Variants in ARID4A observed in about 807,000 individuals in gnomAD.
The protein encoded by ARID4A is AT-rich interactive domain-containing protein 4A.
In ARID4A, 39 loss-of-function variants were observed where a neutral mutation model predicts 148.6. That is an observed-to-expected ratio of 0.26 (90% CI 0.20 to 0.34). The LOEUF (loss-of-function observed/expected upper bound fraction) is 0.34. ARID4A is among the 10% of genes least tolerant of loss of function. The probability of loss-of-function intolerance (pLI) is 1.00; values close to 1 mark genes in which losing one functional copy is unlikely to be tolerated. For synonymous variants in ARID4A, 475 were observed against 481.2 expected, an observed-to-expected ratio of 0.99 and a Z score of 0.17; for missense variants, 1,265 against 1,449.1, an observed-to-expected ratio of 0.87 and a Z score of 2.06.
intron 11 of ARID4A, among the ~76,000 whole-genome samples, chr14:58,340,495 G>A (rs1037283467): frequency 3.9e-5 from 6 of 152,076 alleles, no homozygotes; most frequent in Middle Eastern, 3.2e-3. Flanking sequence ...GATTACAGGC[G>A]CACAACGCCA....
At chr14:58,346,269 G>T (rs1358750647) in intron 12 of ARID4A, 142 bp from the exon 13 acceptor site, 1 of 385,708 alleles carries the variant, frequency 2.6e-6, no homozygotes. Flanking sequence ...ATTATCTTGT[G>T]TTGTTTTACA....
intron 4 of ARID4A, among the ~76,000 whole-genome samples, chr14:58,305,306 G>T (rs1348384112): frequency 2.6e-5 from 4 of 152,016 alleles, no homozygotes; most frequent in African/African-American, 9.7e-5. Context: ...TCACATTGTT[G>T]CTGTATCTGA....
chr14:58,320,144 C>T (rs1378008581), intron 7 of ARID4A, among the ~76,000 whole-genome samples: 1 of 151,772 alleles, frequency 6.6e-6, no homozygotes, highest in East Asian at 1.9e-4. Context: ...GACAGGGTTT[C>T]ACCATGTTGG....
chr14:58,354,727 T>C (rs1385900254), intron 17 of ARID4A, among the ~76,000 whole-genome samples: 1 of 151,792 alleles, frequency 6.6e-6, no homozygotes, highest in African/African-American at 2.4e-5. Flanking sequence ...TTGCTCCATA[T>C]TGGATCCTGT....
chr14:58,322,442 C>T (rs1226644885), intron 7 of ARID4A, among the ~76,000 whole-genome samples: 1 of 151,924 alleles, frequency 6.6e-6, no homozygotes. Flanking sequence ...TCTCAGAGTG[C>T]AGCAGATTGG....
At chr14:58,313,606 A>G (rs28645317) in intron 5 of ARID4A, among the ~76,000 whole-genome samples, 3,145 of 152,284 alleles carry the variant, frequency 0.021, 111 homozygotes, top group African/African-American at 0.071. Flanking sequence ...ATGAGGACTG[A>G]GAATGACCAT....
At chr14:58,315,243 A>G (rs1177324925) in intron 5 of ARID4A, among the ~76,000 whole-genome samples, 1 of 152,164 alleles carries the variant, frequency 6.6e-6, no homozygotes, top group Non-Finnish European at 1.5e-5. Context: ...TTTTTTTAAA[A>G]AAAAATTTCT....
chr14:58,356,038 T>G (rs2140251589), intron 17 of ARID4A, among the ~76,000 whole-genome samples: 1 of 152,312 alleles, frequency 6.6e-6, no homozygotes, highest in African/African-American at 2.4e-5. Context: ...CCTGTTCAGT[T>G]GAGATGAAGC....
rs1422740708 is a variant in ARID4A at position 58,328,184 on chromosome 14, G to A, written c.583-53G>A. 3.1e-6 allele frequency: 4 copies of A among 1,305,546 alleles called. No homozygotes were observed. In the African/African-American group the frequency reaches 5.9e-5, roughly 19 times the overall value. 80.9% of individuals were successfully genotyped at this position (1,305,546 alleles called of 1,614,324 possible). ...CAGAATTGTTCTTTTGAAAAATACTGTTTTTCTGAGCACAGGAAATAGGAA... is the reference window on the plus strand; with the variant it reads ...CAGAATTGTTCTTTTGAAAAATACTATTTTTCTGAGCACAGGAAATAGGAA... On this transcript the variant is annotated intron_variant, in intron 8 of 23. Transcript: ENST00000355431.
intron 8 of ARID4A, among the ~76,000 whole-genome samples, chr14:58,323,932 T>G (rs1485990569): frequency 1.5e-5 from 2 of 133,564 alleles, no homozygotes; most frequent in Admixed American, 8.4e-5. Flanking sequence ...TGAGATGGAG[T>G]CTCGCTCTGT....
In ARID4A at chr14:58,364,297, T is replaced by G. The variant is rs2140268990; in HGVS notation, c.2208T>G (p.Asn736Lys). 6.4e-7 allele frequency: 1 copy of G among 1,559,514 alleles called. No individual in the cohort carries two copies. The highest frequency in any genetic ancestry group is 2.3e-5 in the East Asian group (1 of 43,534). ...ATGATGATAAGCTAGATGAAGAAAATCCAAAGATTTCTGCACATATATTAA... is the reference window on the plus strand; with the variant it reads ...ATGATGATAAGCTAGATGAAGAAAAGCCAAAGATTTCTGCACATATATTAA... ...NLNDDKLDEE[N>K]PKISAHILKE... is the part of the protein sequence containing the mutation. The change falls in exon 20 of 24, where the codon AAT (asparagine) becomes AAG (lysine). Residue 736 changes from asparagine (N) to lysine (K), a missense_variant. Transcript: ENST00000355431.
rs1422819457 is a variant in ARID4A at position 58,337,268 on chromosome 14, A to ATATATATATATATATATATATATATAT, written c.906+7099_906+7100insTATATATATATATATATATATATATAT. ...TATTTATATATATATATATATATAT[A>ATATATATATATATATATATATATATAT]ATTAAAACCGAGGTTTAGAGAGGTT... On this transcript the variant is annotated intron_variant, in intron 11 of 23. Coordinates refer to ENST00000355431, the MANE Select transcript of ARID4A (RefSeq NM_002892.4). 3.5e-3 allele frequency among the ~76,000 whole-genome samples: 466 copies of ATATATATATATATATATATATATATAT among 133,532 alleles called. 1 individual carries two copies. Among genetic ancestry groups the ATATATATATATATATATATATATATAT allele is most frequent in the Non-Finnish European group, 4.8e-3 (298 of 61,984 alleles). The allele number at this position is 133,532 out of a possible 152,430, so 87.6% of individuals were successfully genotyped here.
intron 3 of ARID4A, among the ~76,000 whole-genome samples, chr14:58,302,462 C>T (rs2031255469): frequency 1.3e-5 from 2 of 151,922 alleles, no homozygotes; most frequent in Non-Finnish European, 2.9e-5. Context: ...CCGTTGCACT[C>T]CAGCCTGGGT....
rs930390861 is a variant in ARID4A at position 58,372,033 on chromosome 14, T to A, written c.*44T>A. 9 of 1,370,382 alleles carry A rather than the reference T, an allele frequency of 6.6e-6. No individual in the cohort carries two copies. The highest frequency in any genetic ancestry group is 1.8e-5 in the Admixed American group (1 of 56,586). 84.9% of individuals were successfully genotyped at this position (1,370,382 alleles called of 1,614,324 possible). On this transcript the variant is annotated 3_prime_UTR_variant, in exon 24 of 24. Coordinates refer to ENST00000355431, the MANE Select transcript of ARID4A (RefSeq NM_002892.4). ...TCCCAGCAGTTTGCTGCCATGGACA[T>A]AAATCCCCAAACCCTGAATTACAAC... is the stretch of plus-strand genomic sequence containing the variant.
At chr14:58,358,661 T>G (rs1051257979) in intron 17 of ARID4A, among the ~76,000 whole-genome samples, 1 of 151,614 alleles carries the variant, frequency 6.6e-6, no homozygotes, top group Non-Finnish European at 1.5e-5. Context: ...CTAGAGAGAG[T>G]GTTGAGGAGG....
In ARID4A at chr14:58,365,246, G is replaced by A. The variant is rs1350834459; in HGVS notation, c.3157G>A (p.Val1053Ile). The change falls in exon 20 of 24, where the codon GTT becomes ATT. Residue 1053 changes from valine to isoleucine, a missense_variant. This residue lies in a region of ARID4A where 666 missense variants were observed against 730.9 expected (regional missense o/e 0.91). Coordinates refer to ENST00000355431, the MANE Select transcript of ARID4A (RefSeq NM_002892.4). The part of the protein sequence containing the change: ...RESANGFETN[V>I]ASGTCSIIVQ... ...ATCGGCAAATGGATTTGAAACTAAT[G>A]TTGCCTCTGGTACCTGTAGTATAAT... 2.5e-6 allele frequency: 4 copies of A among 1,614,036 alleles called. No individual in the cohort carries two copies. Among genetic ancestry groups the A allele is most frequent in the Non-Finnish European group, 3.4e-6 (4 of 1,179,972 alleles).
intron 23 of ARID4A, among the ~76,000 whole-genome samples, chr14:58,370,615 C>A (rs1057226075): frequency 1.3e-5 from 2 of 151,058 alleles, no homozygotes; most frequent in Non-Finnish European, 3.0e-5. Context: ...TTTTTTATTA[C>A]CGTCTTTTTT....
chr14:58,347,186 C>A (rs1411865052), intron 14 of ARID4A, 69 bp downstream of exon 14: 5 of 809,518 alleles, frequency 6.2e-6, no homozygotes, highest in South Asian at 4.6e-5. Flanking sequence ...ACTTTGTTAA[C>A]AAGAATACAT....
chr14:58,300,012 A>G (rs2031005823), intron 2 of ARID4A, 152 bp downstream of exon 2: 2 of 1,116,658 alleles, frequency 1.8e-6, no homozygotes, highest in Non-Finnish European at 2.7e-6. Flanking sequence ...AATGGGTGAA[A>G]AATGATCTGT....
Sources: gnomAD v4.1 joint callset for allele counts (sites outside exome capture counted in the v4.1 genomes callset) on GRCh38, gnomAD v4.1.1 for gene constraint, gnomAD v4.1.1 regional missense constraint, MANE v1.5 for transcripts, NCBI Gene and HGNC (gene_info 2026-07-23, HGNC 2026-07-21) for gene names.